Variants in SSC5D observed in about 807,000 individuals in gnomAD.
The protein encoded by SSC5D is soluble scavenger receptor cysteine-rich domain-containing protein SSC5D.
In SSC5D, 106 loss-of-function variants were observed where a neutral mutation model predicts 104.6. The observed-to-expected ratio is 1.01, with a 90% confidence interval of 0.87 to 1.19. SSC5D has a LOEUF of 1.19. Among genes scored for constraint, SSC5D ranks in the 50% most tolerant of loss-of-function variants. The probability of loss-of-function intolerance (pLI) is 0.00; values close to 1 mark genes in which losing one functional copy is unlikely to be tolerated. For missense variants in SSC5D, 1,993 were observed against 2,153.8 expected (o/e 0.93, Z 1.48); for synonymous variants, 860 against 883.5 (o/e 0.97, Z 0.47).
chr19:55,498,577 A>G (rs1298829938), intron 9 of SSC5D, among the ~76,000 whole-genome samples: 3 of 152,188 alleles, frequency 2.0e-5, no homozygotes, highest in African/African-American at 7.2e-5. Context: ...GCACTGGGAG[A>G]TGGAAAGAAG....
Position 55,494,799 on chromosome 19 carries a change from C to A in SSC5D, c.1387+16C>A, listed in dbSNP as rs1055774883. On this transcript the variant is annotated intron_variant, in intron 8 of 13. Coordinates refer to ENST00000389623, the MANE Select transcript of SSC5D (RefSeq NM_001144950.2). ...CCGGAAGCCGGTGAGTCCCTCCATG[C>A]TCCCCAAGAAAACAGGGTCCTTCCT... The A allele has an allele frequency of 6.6e-7, 1 of 1,525,028 alleles. No individual in the cohort carries two copies. The allele number at this position is 1,525,028 out of a possible 1,614,324, so 94.5% of individuals were successfully genotyped here. A position where few individuals can be genotyped will look rare whatever the true frequency, so the allele number is the denominator to read the frequency against.
In SSC5D at chr19:55,500,248, T is replaced by TG. The variant is rs1226481032; in HGVS notation, c.2140dup (p.Ala714GlyfsTer14). The TG allele has an allele frequency of 1.9e-6, 3 of 1,549,012 alleles. No homozygotes were observed. The highest frequency in any genetic ancestry group is 3.9e-5 in the Admixed American group (2 of 50,696). The stretch of plus-strand genomic sequence containing the variant: ...CCCCGAGAACGGACCACTAAGACCA[T>TG]GGCAATGCTGACCACTCAAGGCCCC... On this transcript the variant is annotated frameshift_variant, in exon 10 of 14. Coordinates refer to ENST00000389623, the MANE Select transcript of SSC5D (RefSeq NM_001144950.2). LOFTEE classifies it high-confidence loss of function. This position sits in a 1 kb window ranked among gnomAD's most constrained non-coding sequence, Gnocchi z 4.6.
chr19:55,503,157 TCTCAAA>T lies in SSC5D; in HGVS notation c.2785+1960_2785+1965del, dbSNP rs1400404140. On this transcript the variant is annotated intron_variant, in intron 12 of 13. Coordinates refer to ENST00000389623, the MANE Select transcript of SSC5D (RefSeq NM_001144950.2). The surrounding 1 kb of genome is among the most constrained non-coding windows in gnomAD (Gnocchi z 4.0). ...GTTCTCACTATGTTGCCCAGGCTGG[TCTCAAA>T]CTCTTGGGCTCAAGTCATCGGCTTG... is the stretch of plus-strand genomic sequence containing the variant. 6.6e-6 allele frequency among the ~76,000 whole-genome samples: 1 copy of T among 151,982 alleles called. No homozygotes were observed. The highest frequency in any genetic ancestry group is 6.6e-5 in the Admixed American group (1 of 15,250).
chr19:55,504,217 C>A, intron 12 of SSC5D: 2 of 1,532,806 alleles, frequency 1.3e-6, no homozygotes, highest in Non-Finnish European at 1.7e-6. Flanking sequence ...TGGAGGCGGG[C>A]ACGTGCCGGG....
In SSC5D at chr19:55,517,449, C is replaced by G; in HGVS notation, c.3173C>G (p.Thr1058Arg). The G allele has an allele frequency of 2.6e-6, 4 of 1,551,184 alleles. No individual in the cohort carries two copies. Among genetic ancestry groups the G allele is most frequent in the Non-Finnish European group, 3.5e-6 (4 of 1,146,996 alleles). The change falls in exon 14 of 14, where the codon ACG becomes AGG. Residue 1058 changes from threonine to arginine, a missense_variant. Thr to Arg is a moderately conservative substitution (Grantham distance 71). Transcript: ENST00000389623. ...SPPTPDPASR[T>R]NPDLILTSPD... Reference sequence around the variant, plus strand: ...CCCACCCCAGACCCGGCCTCCCGGACGAACCCCGACCTCATCTTGACAAGC... The same window carrying G: ...CCCACCCCAGACCCGGCCTCCCGGAGGAACCCCGACCTCATCTTGACAAGC...
chr19:55,519,061 C>A lies in SSC5D; in HGVS notation c.*63C>A, dbSNP rs10217. On this transcript the variant is annotated 3_prime_UTR_variant, in exon 14 of 14. Coordinates refer to ENST00000389623, the MANE Select transcript of SSC5D (RefSeq NM_001144950.2). ...CCAAAAAAAACAAAAACAAAAAAAA[C>A]CCCCAAAGTATCTAATTAAAAACAA... 984,574 of 1,472,020 alleles carry A rather than the reference C, an allele frequency of 0.67. 337,603 individuals carry two copies. Among genetic ancestry groups the A allele is most frequent in the South Asian group, 0.76 (58,421 of 76,942 alleles). The allele number at this position is 1,472,020 out of a possible 1,614,324, so 91.2% of individuals were successfully genotyped here. A position where few individuals can be genotyped will look rare whatever the true frequency, so the allele number is the denominator to read the frequency against.
rs1987476972 is a variant in SSC5D, at chr19:55,500,811, G to C, written c.2617+7G>C. ...GTGGGGCTCACCTGCACTGGTACCA[G>C]GGCATGGCGGCGGTGGTGGGGTTGT... On this transcript the variant is annotated splice_region_variant and intron_variant, in intron 11 of 13. Transcript: ENST00000389623. This position sits in a 1 kb window ranked among gnomAD's most constrained non-coding sequence, Gnocchi z 4.6. The C allele has an allele frequency of 1.9e-6, 3 of 1,543,996 alleles. No individual in the cohort carries two copies. The highest frequency in any genetic ancestry group is 2.7e-5 in the African/African-American group (2 of 72,810).
intron 12 of SSC5D, among the ~76,000 whole-genome samples, chr19:55,504,621 C>T (rs915456993): frequency 6.6e-6 from 1 of 152,218 alleles, no homozygotes; most frequent in African/African-American, 2.4e-5. Flanking sequence ...CTGCTGCAGC[C>T]TCCTGTGTAG....
In SSC5D at chr19:55,495,233, ATT is replaced by A. The variant is rs74181759; in HGVS notation, c.1387+476_1387+477del. Among the ~76,000 whole-genome samples the A allele has an allele frequency of 3.6e-3, 182 of 50,538 alleles. 3 individuals carry two copies. Among genetic ancestry groups the A allele is most frequent in the African/African-American group, 0.016 (164 of 10,120 alleles). The allele number at this position is 50,538 out of a possible 152,430, so 33.2% of individuals were successfully genotyped here. A position where few individuals can be genotyped will look rare whatever the true frequency, so the allele number is the denominator to read the frequency against. ...CCTCCTTTCATATATATATATATAT[ATT>A]TTTTTTTTTTTTTTTTTTTTTTTTT... On this transcript the variant is annotated intron_variant, in intron 8 of 13. Transcript: ENST00000389623.
Position 55,490,361 on chromosome 19 carries a change from C to G in SSC5D, c.539C>G (p.Ala180Gly). The G allele has an allele frequency of 6.6e-7, 1 of 1,523,844 alleles. No individual in the cohort carries two copies. The highest frequency in any genetic ancestry group is 1.4e-5 in the African/African-American group (1 of 72,050). The allele number at this position is 1,523,844 out of a possible 1,614,324, so 94.4% of individuals were successfully genotyped here. Residue 180 changes from alanine (A) to glycine (G), a missense_variant, in exon 5 of 14, where the codon GCC becomes GGC. Physicochemically the swap from Ala to Gly is moderately conservative, Grantham distance 60. Transcript: ENST00000389623. Reference protein sequence around the residue: ...SRKKSPRPKQAKSTRAPLLTT... With the variant: ...SRKKSPRPKQGKSTRAPLLTT... Reference sequence around the variant, plus strand: ...AAGAAGAGCCCCCGGCCCAAGCAGGCCAAGTCCACCCGGGCCCCTCTGCTG... The same window carrying G: ...AAGAAGAGCCCCCGGCCCAAGCAGGGCAAGTCCACCCGGGCCCCTCTGCTG...
intron 12 of SSC5D, among the ~76,000 whole-genome samples, chr19:55,512,528 C>T (rs1785590018): frequency 6.7e-6 from 1 of 148,806 alleles, no homozygotes; most frequent in Non-Finnish European, 1.5e-5. Flanking sequence ...GTCACCCAGG[C>T]AGGAGTGCAG....
At chr19:55,509,568 T>C (rs1987708581) in intron 12 of SSC5D, among the ~76,000 whole-genome samples, 1 of 150,030 alleles carries the variant, frequency 6.7e-6, no homozygotes, top group African/African-American at 2.4e-5. Flanking sequence ...TTTTATTCTT[T>C]TTTTTTTTTC....
Position 55,500,248 on chromosome 19 carries a change from T to C in SSC5D, c.2138T>C (p.Met713Thr), listed in dbSNP as rs921221728. ...CCCCGAGAACGGACCACTAAGACCA[T>C]GGCAATGCTGACCACTCAAGGCCCC... Reference protein sequence around the residue: ...QAPRERTTKTMAMLTTQGPQE... With the variant: ...QAPRERTTKTTAMLTTQGPQE... Residue 713 changes from methionine (M) to threonine (T), a missense_variant, in exon 10 of 14, where the codon ATG becomes ACG. Transcript: ENST00000389623. This position sits in a 1 kb window ranked among gnomAD's most constrained non-coding sequence, Gnocchi z 4.6. The C allele has an allele frequency of 5.8e-6, 9 of 1,549,012 alleles. No homozygotes were observed. Among genetic ancestry groups the C allele is most frequent in the African/African-American group, 1.4e-5 (1 of 72,048 alleles).
rs1482288453 is a variant in SSC5D at position 55,499,838 on chromosome 19, C to A, written c.1728C>A (p.Ile576=). Reference sequence around the variant, plus strand: ...CAGGGCCCCCAGGCCTGGACTCCATCTCAGACCCCTTCAGCTGGAGCTGGA... The same window carrying A: ...CAGGGCCCCCAGGCCTGGACTCCATATCAGACCCCTTCAGCTGGAGCTGGA... ...TCTGPPGLDS[I]SDPFSWSWIP... Residue 576 remains isoleucine (I), a synonymous_variant, in exon 10 of 14, where the codon ATC becomes ATA. Coordinates refer to ENST00000389623, the MANE Select transcript of SSC5D (RefSeq NM_001144950.2). 1.2e-5 allele frequency: 19 copies of A among 1,551,592 alleles called. No individual in the cohort carries two copies. The highest frequency in any genetic ancestry group is 1.6e-5 in the Non-Finnish European group (18 of 1,146,970).
chr19:55,490,062 G>A, intron 4 of SSC5D, 67 bp downstream of exon 4: 2 of 837,170 alleles, frequency 2.4e-6, no homozygotes, highest in South Asian at 5.7e-5. Flanking sequence ...CGAGGGGAGA[G>A]GGACTGCCCT....
chr19:55,504,131 C>T, intron 12 of SSC5D: 1 of 1,535,458 alleles, frequency 6.5e-7, no homozygotes, highest in South Asian at 1.2e-5. Flanking sequence ...GAAGCGGGAG[C>T]TCCGAGAGGT....
chr19:55,507,214 T>C (rs1423677249), intron 12 of SSC5D, among the ~76,000 whole-genome samples: 1 of 150,628 alleles, frequency 6.6e-6, no homozygotes, highest in African/African-American at 2.4e-5. Context: ...AGCAGGGGCG[T>C]GCTCCTGTAG....
chr19:55,510,243 C>G (rs1220895808), intron 12 of SSC5D, among the ~76,000 whole-genome samples: 1 of 152,212 alleles, frequency 6.6e-6, no homozygotes, highest in Admixed American at 6.5e-5. Context: ...AACTGATCCA[C>G]CTGCCTTGGC....
At chr19:55,493,994 G>GCCCCCCCCC in intron 7 of SSC5D, 82 bp downstream of exon 7, 2 of 143,308 alleles carry the variant, frequency 1.4e-5, no homozygotes, top group Non-Finnish European at 2.9e-5. Context: ...GGGCGGGGGG[G>GCCCCCCCCC]TCCCTACGCG....
Sources: gnomAD v4.1 joint callset for allele counts (sites outside exome capture counted in the v4.1 genomes callset) on GRCh38, gnomAD v4.1.1 for gene constraint, Gnocchi (gnomAD v3.1) non-coding constraint, MANE v1.5 for transcripts, NCBI Gene and HGNC (gene_info 2026-07-23, HGNC 2026-07-21) for gene names.